KCMF1: variants seen among roughly 807,000 people sequenced by gnomAD.
The protein encoded by KCMF1 is E3 ubiquitin-protein ligase KCMF1.
Under a neutral mutation model 41.1 loss-of-function variants are expected in KCMF1, and 3 were observed. The ratio of observed to expected loss-of-function variants is 0.07; its 90% CI spans 0.03 to 0.19. KCMF1 has a LOEUF of 0.19. Ranked by LOEUF, KCMF1 falls within the 10% of genes least tolerant of loss-of-function variation. KCMF1 has a pLI of 1.00. For synonymous variants in KCMF1, 142 were observed against 164.5 expected, an observed-to-expected ratio of 0.86 and a Z score of 1.04; for missense variants, 286 against 488.9, an observed-to-expected ratio of 0.58 and a Z score of 3.91.
intron 1 of KCMF1, among the ~76,000 whole-genome samples, chr2:84,985,239 G>A (rs2103970698): frequency 6.6e-6 from 1 of 152,224 alleles, no homozygotes; most frequent in Middle Eastern, 3.4e-3. Context: ...GGACACCCTC[G>A]CATTGTAGGC....
intron 1 of KCMF1, among the ~76,000 whole-genome samples, chr2:84,974,174 C>G (rs1461130598): frequency 6.6e-6 from 1 of 152,046 alleles, no homozygotes; most frequent in East Asian, 1.9e-4. Context: ...AGTCATCTGT[C>G]CACCTCCAAA....
At chr2:85,038,522 C>CT (rs1178982835) in intron 3 of KCMF1, among the ~76,000 whole-genome samples, 7 of 152,196 alleles carry the variant, frequency 4.6e-5, no homozygotes, top group African/African-American at 1.7e-4. Flanking sequence ...TCAACTAATA[C>CT]TTTTAATTGG....
At chr2:84,987,923 T>C (rs984687420) in intron 1 of KCMF1, among the ~76,000 whole-genome samples, 1 of 152,176 alleles carries the variant, frequency 6.6e-6, no homozygotes, top group African/African-American at 2.4e-5. Flanking sequence ...CTGTCTGCTT[T>C]AAAAATGTAG....
chr2:84,984,754 A>G (rs937871911), intron 1 of KCMF1, among the ~76,000 whole-genome samples: 4 of 152,268 alleles, frequency 2.6e-5, no homozygotes, highest in South Asian at 4.1e-4. Context: ...CGGGAGGCAG[A>G]GGTTGCGGTG....
At chr2:84,972,769 A>C (rs556101864) in intron 1 of KCMF1, among the ~76,000 whole-genome samples, 29 of 152,354 alleles carry the variant, frequency 1.9e-4, no homozygotes, top group Non-Finnish European at 3.7e-4. Context: ...TGCGACGTTG[A>C]AATTGACTCA....
Position 85,053,309 on chromosome 2 carries a change from C to T in KCMF1, c.1046C>T (p.Ala349Val). 1 of 1,613,808 alleles carries T rather than the reference C, an allele frequency of 6.2e-7. No homozygotes were observed. Among genetic ancestry groups the T allele is most frequent in the Non-Finnish European group, 8.5e-7 (1 of 1,179,860 alleles). Residue 349 changes from alanine to valine, a missense_variant, in exon 7 of 7, where the codon GCT (alanine) becomes GTT (valine). By Grantham distance (64) the Ala-to-Val change is moderately conservative. Transcript: ENST00000409785. ...DDRGEMADFG[A>V]MGCVDIMPLD... The stretch of plus-strand genomic sequence containing the variant: ...CGGGGGGAGATGGCAGATTTTGGTG[C>T]TATGGGCTGTGTAGATATTATGCCT...
chr2:85,001,156 A>G (rs984176235), intron 1 of KCMF1, among the ~76,000 whole-genome samples: 6 of 149,398 alleles, frequency 4.0e-5, no homozygotes, highest in Non-Finnish European at 8.9e-5. Flanking sequence ...TAATTAATTA[A>G]TTAATTTTTT....
In KCMF1 at chr2:85,059,304, C is replaced by T. The variant is rs1174822446; in HGVS notation, c.*5895C>T. ...GCTGACCACTCACGATTCAGACTTA[C>T]CTTGGAAAATATCACACTGACGATA... is the stretch of plus-strand genomic sequence containing the variant. On this transcript the variant is annotated 3_prime_UTR_variant, in exon 7 of 7. Transcript: ENST00000409785. The T allele has an allele frequency of 6.6e-6, 1 of 152,174 alleles. No homozygotes were observed. Among genetic ancestry groups the T allele is most frequent in the Non-Finnish European group, 1.5e-5 (1 of 68,036 alleles). 9.4% of individuals were successfully genotyped at this position (152,174 alleles called of 1,614,324 possible). A position where few individuals can be genotyped will look rare whatever the true frequency, so the allele number is the denominator to read the frequency against.
intron 3 of KCMF1, 38 bp from the exon 4 acceptor site, chr2:85,043,526 G>A (rs371869941): frequency 2.7e-5 from 32 of 1,186,414 alleles, no homozygotes; most frequent in Admixed American, 3.7e-5. Flanking sequence ...TCTTATTGAC[G>A]TTCATTTATT....
Position 84,971,287 on chromosome 2 carries a change from G to A in KCMF1, c.-165G>A. On this transcript the variant is annotated 5_prime_UTR_variant, in exon 1 of 7. Coordinates refer to ENST00000409785, the MANE Select transcript of KCMF1 (RefSeq NM_020122.5). ...CGCCCCGCGCCGCCTCCCCGCCGCCGCCGCCGCCGCCGCCGCGGGAGCGCT... is the reference window on the plus strand; with the variant it reads ...CGCCCCGCGCCGCCTCCCCGCCGCCACCGCCGCCGCCGCCGCGGGAGCGCT... 2 of 171,836 alleles carry A rather than the reference G, an allele frequency of 1.2e-5. No individual in the cohort carries two copies. The highest frequency in any genetic ancestry group is 2.3e-5 in the Non-Finnish European group (2 of 88,592). 10.6% of individuals were successfully genotyped at this position (171,836 alleles called of 1,614,324 possible). A position where few individuals can be genotyped will look rare whatever the true frequency, so the allele number is the denominator to read the frequency against.
intron 1 of KCMF1, among the ~76,000 whole-genome samples, chr2:84,997,884 C>T (rs1318619275): frequency 6.7e-6 from 1 of 150,182 alleles, no homozygotes; most frequent in Non-Finnish European, 1.5e-5. Context: ...GTTCTCATGC[C>T]TCGGCCTCCC....
chr2:85,038,190 T>C (rs535833101), intron 3 of KCMF1, among the ~76,000 whole-genome samples: 1 of 152,252 alleles, frequency 6.6e-6, no homozygotes, highest in Admixed American at 6.5e-5. Context: ...ACAGGGAAAA[T>C]AATTTAATAT....
At chr2:85,034,645 G>C (rs866518113) in intron 2 of KCMF1, among the ~76,000 whole-genome samples, 1 of 152,148 alleles carries the variant, frequency 6.6e-6, no homozygotes, top group Admixed American at 6.6e-5. Context: ...TGACGTTGTT[G>C]AATATTTTAG....
At chr2:85,046,349 GC>G in intron 5 of KCMF1, 71 bp downstream of exon 5, 1 of 1,235,880 alleles carries the variant, frequency 8.1e-7, no homozygotes. Flanking sequence ...TTTTTGTGAT[GC>G]CAGGTGCGGT....
chr2:85,006,107 G>GTTA (rs1674463625), intron 1 of KCMF1, among the ~76,000 whole-genome samples: 1 of 151,328 alleles, frequency 6.6e-6, no homozygotes, highest in African/African-American at 2.4e-5. Context: ...GGAGCCCATT[G>GTTA]TTATATTTGT....
At chr2:85,015,347 CATTTT>C (rs1245129827) in intron 1 of KCMF1, among the ~76,000 whole-genome samples, 3 of 152,084 alleles carry the variant, frequency 2.0e-5, no homozygotes, top group Non-Finnish European at 4.4e-5. Context: ...CCTCTTCCTT[CATTTT>C]ATGAGTCAGA....
At chr2:84,990,030 A>T (rs943337422) in intron 1 of KCMF1, among the ~76,000 whole-genome samples, 6 of 152,192 alleles carry the variant, frequency 3.9e-5, no homozygotes, top group Non-Finnish European at 8.8e-5. Context: ...TTGGTGTTGA[A>T]ACTTAAGAAG....
At chr2:84,993,548 ATTATTTATTTATTTAT>A (rs148006042) in intron 1 of KCMF1, among the ~76,000 whole-genome samples, 8 of 146,020 alleles carry the variant, frequency 5.5e-5, no homozygotes, top group East Asian at 4.1e-4. Context: ...CTCTACCCCC[ATTATTTATTTATTTAT>A]TTATTTATTT....
chr2:85,018,408 T>A (rs1674840826), intron 1 of KCMF1, among the ~76,000 whole-genome samples: 1 of 152,040 alleles, frequency 6.6e-6, no homozygotes. Context: ...TACATGGGAT[T>A]ACAGGCACAG....
Sources: allele counts gnomAD v4.1 joint callset (sites outside exome capture counted in the v4.1 genomes callset), GRCh38; gene constraint gnomAD v4.1.1; transcripts MANE v1.5; gene names NCBI Gene and HGNC (gene_info 2026-07-23, HGNC 2026-07-21).